The following ABCB11 variants were observed in gnomAD, a reference collection of about 807,000 sequenced individuals.
ABCB11 encodes ATP binding cassette subfamily B member 11.
ABCB11 carries 95 observed loss-of-function variants against 148.0 expected under a neutral mutation model. The observed-to-expected ratio is 0.64, with a 90% CI of 0.54 to 0.76. ABCB11 has a LOEUF of 0.76. Among genes scored for constraint, ABCB11 ranks in the 30% least tolerant of loss-of-function variants. The pLI is 0.00. For missense variants in ABCB11, 1,523 were observed against 1,617.8 expected (o/e 0.94, Z 1.01); for synonymous variants, 591 against 555.4 (o/e 1.06, Z -0.90).
chr2:168,972,595 T>C (rs1171413790), intron 13 of ABCB11, among the ~76,000 whole-genome samples: 1 of 152,056 alleles, frequency 6.6e-6, no homozygotes, highest in African/African-American at 2.4e-5. Flanking sequence ...GATTTCTATA[T>C]ATTCAGAGTG....
chr2:169,025,227 G>A (rs1448547394), intron 1 of ABCB11, among the ~76,000 whole-genome samples: 1 of 152,190 alleles, frequency 6.6e-6, no homozygotes, highest in Admixed American at 6.5e-5. Context: ...TTAGAGGACA[G>A]TGGTGTAGTG....
At chr2:168,991,405 T>A (rs895156444) in intron 8 of ABCB11, among the ~76,000 whole-genome samples, 2 of 152,076 alleles carry the variant, frequency 1.3e-5, no homozygotes, top group Admixed American at 1.3e-4. Flanking sequence ...AGAAAGTCCA[T>A]TTTCACTCAG....
intron 1 of ABCB11, among the ~76,000 whole-genome samples, chr2:169,023,963 T>C (rs1695614118): frequency 6.6e-6 from 1 of 152,138 alleles, no homozygotes; most frequent in African/African-American, 2.4e-5. Context: ...TTTTCTCTTT[T>C]TTTTCCTGTG....
At chr2:168,946,717 A>T (rs1692340022) in intron 19 of ABCB11, among the ~76,000 whole-genome samples, 1 of 151,802 alleles carries the variant, frequency 6.6e-6, no homozygotes, top group African/African-American at 2.4e-5. Flanking sequence ...TTTAACTCTT[A>T]TAGATGGAAA....
chr2:168,957,930 GAGA>G (rs1390193923), intron 19 of ABCB11, 31 bp downstream of exon 19: 17 of 1,468,564 alleles, frequency 1.2e-5, no homozygotes, highest in Non-Finnish European at 1.6e-5. Flanking sequence ...TAAAAGGTAT[GAGA>G]AGAAGAAAGC....
chr2:168,952,417 T>TTTTCTATTTCTTC (rs1692606402), intron 19 of ABCB11, among the ~76,000 whole-genome samples: 1 of 151,632 alleles, frequency 6.6e-6, no homozygotes, highest in Non-Finnish European at 1.5e-5. Flanking sequence ...TCATTATTAG[T>TTTTCTATTTCTTC]CTGTTCAGGT....
intron 9 of ABCB11, among the ~76,000 whole-genome samples, chr2:168,987,035 A>T (rs1694348972): frequency 6.6e-6 from 1 of 152,156 alleles, no homozygotes; most frequent in South Asian, 2.1e-4. Flanking sequence ...TGTCTCTTTT[A>T]TTGACAATAA....
chr2:169,019,178 T>C (rs1243086948), intron 1 of ABCB11, among the ~76,000 whole-genome samples: 1 of 152,128 alleles, frequency 6.6e-6, no homozygotes, highest in Non-Finnish European at 1.5e-5. Flanking sequence ...GAGGAGACCG[T>C]GATATGTATT....
At chr2:168,935,476 T>A in intron 22 of ABCB11, 51 bp from the exon 23 acceptor site, 1 of 1,562,312 alleles carries the variant, frequency 6.4e-7, no homozygotes, top group Non-Finnish European at 8.7e-7. Flanking sequence ...ATAACTCCTT[T>A]CGTGACATTT....
chr2:168,978,907 A>C (rs1267389932), intron 11 of ABCB11, among the ~76,000 whole-genome samples: 2 of 151,724 alleles, frequency 1.3e-5, no homozygotes, highest in East Asian at 3.9e-4. Context: ...CTTAGTAGAG[A>C]CAGGTTTTCA....
intron 9 of ABCB11, among the ~76,000 whole-genome samples, chr2:168,987,516 A>C (rs80033871): frequency 0.03 from 4,615 of 151,760 alleles, 108 homozygotes; most frequent in African/African-American, 0.063. Context: ...GTAACCTCAA[A>C]CTCCCCAGAA....
chr2:168,992,312 G>A (rs1255869123), intron 8 of ABCB11, among the ~76,000 whole-genome samples: 1 of 151,992 alleles, frequency 6.6e-6, no homozygotes, highest in African/African-American at 2.4e-5. Flanking sequence ...AGTGAACTGG[G>A]CTATATGTTA....
intron 11 of ABCB11, among the ~76,000 whole-genome samples, chr2:168,977,883 G>T (rs1292636833): frequency 2.0e-5 from 3 of 152,042 alleles, no homozygotes; most frequent in Admixed American, 6.6e-5. Flanking sequence ...TTCCCACCAG[G>T]TCTGTCCCTC....
intron 17 of ABCB11, among the ~76,000 whole-genome samples, chr2:168,967,065 C>T (rs1693350541): frequency 1.3e-5 from 2 of 151,752 alleles, no homozygotes; most frequent in South Asian, 4.1e-4. Flanking sequence ...GAAACATGTC[C>T]ACTTTGCAAC....
chr2:169,025,951 T>C (rs1024609192), intron 1 of ABCB11, among the ~76,000 whole-genome samples: 1 of 152,226 alleles, frequency 6.6e-6, no homozygotes, highest in African/African-American at 2.4e-5. Flanking sequence ...AAGGATCTAA[T>C]GTAGTGGGTA....
chr2:169,006,798 C>A (rs1374755999), intron 5 of ABCB11, among the ~76,000 whole-genome samples: 1 of 152,022 alleles, frequency 6.6e-6, no homozygotes, highest in African/African-American at 2.4e-5. Flanking sequence ...AAAACAATTC[C>A]ATTTATGATA....
chr2:168,945,033 T>A (rs1347726634), intron 19 of ABCB11, 72 bp from the exon 20 acceptor site: 1 of 1,100,404 alleles, frequency 9.1e-7, no homozygotes, highest in Non-Finnish European at 1.3e-6. Flanking sequence ...ATGTTTAAAA[T>A]GAATTTTTCT....
chr2:168,975,837 G>A (rs1693878303), intron 12 of ABCB11, among the ~76,000 whole-genome samples: 1 of 149,490 alleles, frequency 6.7e-6, no homozygotes, highest in South Asian at 2.1e-4. Flanking sequence ...GGTATGTGGT[G>A]TCAGAATTAA....
At chr2:168,929,684 T>C (rs116682777) in intron 25 of ABCB11, among the ~76,000 whole-genome samples, 81 of 152,362 alleles carry the variant, frequency 5.3e-4, no homozygotes, top group African/African-American at 1.9e-3. Flanking sequence ...CTAACATTTT[T>C]CTTTTAGAAA....
Sources: allele counts gnomAD v4.1 joint callset (sites outside exome capture counted in the v4.1 genomes callset), GRCh38; gene constraint gnomAD v4.1.1; transcripts MANE v1.5; gene names NCBI Gene and HGNC (gene_info 2026-07-23, HGNC 2026-07-21).